The following WDR41 variants were observed in gnomAD, a reference collection of about 807,000 sequenced individuals.
WDR41 encodes WD repeat domain 41.
Under a neutral mutation model 69.3 loss-of-function variants are expected in WDR41, and 63 were observed. The ratio of observed to expected loss-of-function variants is 0.91; its 90% CI spans 0.74 to 1.12. The LOEUF is 1.12. Ranked by LOEUF, WDR41 falls within the 50% of genes most tolerant of loss-of-function variation. WDR41 has a pLI of 0.00. For synonymous variants in WDR41, 185 were observed against 192.1 expected, an observed-to-expected ratio of 0.96 and a Z score of 0.31; for missense variants, 543 against 534.5, an observed-to-expected ratio of 1.02 and a Z score of -0.16.
chr5:77,444,048 T>C (rs770815918), intron 8 of WDR41, among the ~76,000 whole-genome samples: 2 of 151,984 alleles, frequency 1.3e-5, no homozygotes, highest in Non-Finnish European at 2.9e-5. Context: ...ACCTGGCTAA[T>C]TTTTGTATTT....
intron 1 of WDR41, among the ~76,000 whole-genome samples, chr5:77,546,463 A>C (rs1164584690): frequency 6.6e-6 from 1 of 152,172 alleles, no homozygotes; most frequent in Non-Finnish European, 1.5e-5. Flanking sequence ...ACAGAAATAC[A>C]AAAGATGACT....
chr5:77,498,831 AAAAAAG>A (rs1456999797), intron 1 of WDR41, among the ~76,000 whole-genome samples: 1 of 150,510 alleles, frequency 6.6e-6, no homozygotes, highest in African/African-American at 2.5e-5. Context: ...AAAAAAAAAG[AAAAAAG>A]AAAAAGAAAA....
chr5:77,483,294 C>A (rs1388932257), intron 2 of WDR41, among the ~76,000 whole-genome samples: 1 of 151,940 alleles, frequency 6.6e-6, no homozygotes, highest in Non-Finnish European at 1.5e-5. Flanking sequence ...TGCACCACCA[C>A]ACCCAGCTAA....
chr5:77,507,459 A>C (rs1802126265), intron 1 of WDR41, among the ~76,000 whole-genome samples: 1 of 152,108 alleles, frequency 6.6e-6, no homozygotes, highest in Non-Finnish European at 1.5e-5. Flanking sequence ...TCGTGTCATC[A>C]TTTTGCAATC....
intron 8 of WDR41, among the ~76,000 whole-genome samples, chr5:77,448,843 G>A (rs1216188708): frequency 9.3e-5 from 14 of 150,806 alleles, no homozygotes; most frequent in Non-Finnish European, 1.5e-5. Flanking sequence ...ACTCCAGCCT[G>A]GGCAACACAG....
At chr5:77,448,795 G>C (rs1044190247) in intron 8 of WDR41, among the ~76,000 whole-genome samples, 3 of 152,060 alleles carry the variant, frequency 2.0e-5, no homozygotes, top group Non-Finnish European at 1.5e-5. Context: ...TTGAACCCGG[G>C]GGGCAGAGGT....
chr5:77,601,515 T>C (rs1280554620), intron 1 of WDR41, among the ~76,000 whole-genome samples: 1 of 152,190 alleles, frequency 6.6e-6, no homozygotes, highest in Non-Finnish European at 1.5e-5. Flanking sequence ...ATGAAGTACT[T>C]AGACTGCAAG....
chr5:77,582,377 T>C (rs759682928), intron 1 of WDR41: 38 of 1,607,266 alleles, frequency 2.4e-5, no homozygotes, highest in Admixed American at 8.3e-5. Context: ...GCTGGAACCA[T>C]GGAGGGTGTA....
intron 1 of WDR41, among the ~76,000 whole-genome samples, chr5:77,618,686 T>G (rs1163478275): frequency 6.6e-6 from 1 of 152,208 alleles, no homozygotes; most frequent in Non-Finnish European, 1.5e-5. Flanking sequence ...ACACGTTTTT[T>G]GATGACTTGG....
intron 6 of WDR41, chr5:77,451,608 A>G (rs1419156532): frequency 5.3e-6 from 2 of 375,476 alleles, no homozygotes; most frequent in African/African-American, 4.2e-5. Flanking sequence ...TTTTTTTACT[A>G]TTGTGATAAA....
intron 2 of WDR41, among the ~76,000 whole-genome samples, chr5:77,482,135 T>C (rs1448957755): frequency 1.3e-5 from 2 of 152,182 alleles, no homozygotes; most frequent in African/African-American, 4.8e-5. Context: ...TCATTGCCTG[T>C]CTCTAGTAAT....
chr5:77,576,709 C>A (rs1743840890), intron 1 of WDR41, among the ~76,000 whole-genome samples: 1 of 152,064 alleles, frequency 6.6e-6, no homozygotes, highest in South Asian at 2.1e-4. Flanking sequence ...TCTTTCTGGG[C>A]AGTTCCACTT....
intron 1 of WDR41, among the ~76,000 whole-genome samples, chr5:77,529,579 AC>A (rs1802496982): frequency 6.6e-6 from 1 of 151,734 alleles, no homozygotes; most frequent in African/African-American, 2.4e-5. Context: ...TTGGAAAAGA[AC>A]AACAAAGTGA....
chr5:77,477,235 A>C (rs545038381), intron 2 of WDR41, among the ~76,000 whole-genome samples: 104 of 150,784 alleles, frequency 6.9e-4, no homozygotes, highest in Admixed American at 9.9e-4. Flanking sequence ...GGAGACTTTA[A>C]CACCCCACTG....
intron 6 of WDR41, chr5:77,451,978 G>A (rs1307391134): frequency 6.8e-6 from 1 of 147,056 alleles, no homozygotes; most frequent in Non-Finnish European, 1.5e-5. Context: ...CTGTCAGTAT[G>A]AATAAAAGAG....
intron 1 of WDR41, among the ~76,000 whole-genome samples, chr5:77,512,309 G>T (rs1051797408): frequency 4.3e-5 from 6 of 139,954 alleles, no homozygotes; most frequent in Non-Finnish European, 7.8e-5. Flanking sequence ...AAAAGCCATG[G>T]TCTGTAATTA....
intron 8 of WDR41, among the ~76,000 whole-genome samples, chr5:77,447,494 G>T (rs1402853431): frequency 1.3e-5 from 2 of 152,026 alleles, no homozygotes; most frequent in Non-Finnish European, 2.9e-5. Flanking sequence ...CTATTTACAA[G>T]AACAAAGATA....
chr5:77,576,723 T>C (rs939817002), intron 1 of WDR41, among the ~76,000 whole-genome samples: 2 of 152,136 alleles, frequency 1.3e-5, no homozygotes, highest in African/African-American at 4.8e-5. Flanking sequence ...TCCACTTGGA[T>C]ACTTCACAGG....
intron 9 of WDR41, 124 bp downstream of exon 9, chr5:77,440,689 A>T: frequency 1.1e-6 from 1 of 900,194 alleles, no homozygotes; most frequent in African/African-American, 1.7e-5. Flanking sequence ...AGACCATTTT[A>T]AAGCACAACC....
Sources: allele counts gnomAD v4.1 joint callset (sites outside exome capture counted in the v4.1 genomes callset), GRCh38; gene constraint gnomAD v4.1.1; transcripts MANE v1.5; gene names NCBI Gene and HGNC (gene_info 2026-07-23, HGNC 2026-07-21).